STK35: variants seen among roughly 807,000 people sequenced by gnomAD.
STK35 encodes serine/threonine-protein kinase 35.
A neutral mutation model predicts 37.3 loss-of-function variants in STK35; 17 were observed. The observed-to-expected ratio is 0.46, with a 90% CI of 0.31 to 0.68. STK35 has a LOEUF of 0.68. Among genes scored for constraint, STK35 ranks in the 30% least tolerant of loss-of-function variants. STK35 has a pLI of 0.05. For synonymous variants in STK35, 385 were observed against 319.1 expected, an observed-to-expected ratio of 1.21 and a Z score of -2.20; for missense variants, 595 against 746.7, an observed-to-expected ratio of 0.80 and a Z score of 2.37.
rs890946100 is a variant in STK35, at chr20:2,147,322, A to G, written c.*3576A>G. ...CTCCAAGATCTCAGCTCCTTAACAT[A>G]TCAGTTGTCTCCTAGCCTAGAAAAC... On this transcript the variant is annotated 3_prime_UTR_variant, in exon 4 of 4. Transcript: ENST00000381482. 6.5e-6 allele frequency: 1 copy of G among 152,684 alleles called. No homozygotes were observed. The highest frequency in any genetic ancestry group is 2.4e-5 in the African/African-American group (1 of 41,444). The allele number at this position is 152,684 out of a possible 1,614,324, so 9.5% of individuals were successfully genotyped here.
intron 3 of STK35, among the ~76,000 whole-genome samples, chr20:2,136,885 A>T (rs751127529): frequency 6.6e-6 from 1 of 152,212 alleles, no homozygotes; most frequent in Admixed American, 6.5e-5. Flanking sequence ...GAGTTCCCAT[A>T]GAGACTGGGC....
chr20:2,148,554 AAG>A (rs961126976), exon 4 of STK35: 5 of 152,664 alleles, frequency 3.3e-5, no homozygotes, highest in Non-Finnish European at 5.9e-5. Context: ...TGATTTGAAA[AAG>A]AGTGTTTTGT....
chr20:2,133,020 C>T (rs535383017), intron 3 of STK35, among the ~76,000 whole-genome samples: 52 of 152,324 alleles, frequency 3.4e-4, no homozygotes, highest in African/African-American at 1.2e-3. Flanking sequence ...GCTAATCACA[C>T]GTTTTCACTT....
At chr20:2,141,279 A>G (rs1986168396) in intron 3 of STK35, among the ~76,000 whole-genome samples, 2 of 152,270 alleles carry the variant, frequency 1.3e-5, no homozygotes, top group South Asian at 4.1e-4. Flanking sequence ...AAACTGGGAT[A>G]CAAGACCCAC....
intron 3 of STK35, among the ~76,000 whole-genome samples, chr20:2,137,745 C>T (rs909695923): frequency 6.6e-6 from 1 of 152,170 alleles, no homozygotes; most frequent in African/African-American, 2.4e-5. Context: ...GCGTGACTCC[C>T]TGGCCTTGGT....
chr20:2,130,788 C>T (rs1047055925), intron 3 of STK35, among the ~76,000 whole-genome samples: 11 of 152,098 alleles, frequency 7.2e-5, no homozygotes, highest in Non-Finnish European at 1.5e-4. Flanking sequence ...TGCAAGCACC[C>T]GGAGCTGAGG....
intron 3 of STK35, among the ~76,000 whole-genome samples, chr20:2,129,843 G>A (rs1234916324): frequency 6.6e-6 from 1 of 152,064 alleles, no homozygotes; most frequent in Non-Finnish European, 1.5e-5. Context: ...GAGTGCGGTG[G>A]TCAAGGTGTG....
At chr20:2,111,437 A>G (rs1216140011) in intron 2 of STK35, among the ~76,000 whole-genome samples, 1 of 152,162 alleles carries the variant, frequency 6.6e-6, no homozygotes, top group Non-Finnish European at 1.5e-5. Context: ...GCTCATGCCT[A>G]TAATTACCCA....
At chr20:2,122,803 T>C (rs1985842364) in intron 3 of STK35, among the ~76,000 whole-genome samples, 1 of 152,218 alleles carries the variant, frequency 6.6e-6, no homozygotes, top group Admixed American at 6.5e-5. Context: ...CTGAAGACAG[T>C]GGTCTTTGGT....
intron 2 of STK35, among the ~76,000 whole-genome samples, chr20:2,110,615 A>G (rs1305033158): frequency 2.0e-5 from 3 of 152,120 alleles, no homozygotes; most frequent in Non-Finnish European, 4.4e-5. Flanking sequence ...CACTTTTGGA[A>G]TGAATTCCTC....
rs533103279 is a variant in STK35, at chr20:2,107,965, A to G, written c.892+4600A>G. On this transcript the variant is annotated intron_variant, in intron 2 of 3. Coordinates refer to ENST00000381482, the MANE Select transcript of STK35 (RefSeq NM_080836.4). ...TAAGAGCTGAAACTTGCAGGTTGCT[A>G]TGTATCAGGTGAAGTCAGTACCGTG... is the stretch of plus-strand genomic sequence containing the variant. Among the ~76,000 whole-genome samples the G allele has an allele frequency of 8.5e-5, 13 of 152,336 alleles. No individual in the cohort carries two copies. In the South Asian group the frequency reaches 2.1e-3, roughly 24 times the overall value.
intron 3 of STK35, among the ~76,000 whole-genome samples, chr20:2,139,810 G>T (rs1332972297): frequency 6.6e-6 from 1 of 152,200 alleles, no homozygotes; most frequent in Non-Finnish European, 1.5e-5. Context: ...CAGTTACAGA[G>T]AAATAAGAAG....
intron 3 of STK35, among the ~76,000 whole-genome samples, chr20:2,124,927 C>T (rs1353135020): frequency 1.3e-5 from 2 of 152,148 alleles, no homozygotes; most frequent in Non-Finnish European, 2.9e-5. Flanking sequence ...TTGTTTCTGC[C>T]GCATCAACAG....
chr20:2,102,707 G>T (rs1037807894), intron 1 of STK35, 61 bp from the exon 2 acceptor site: 16 of 1,304,116 alleles, frequency 1.2e-5, no homozygotes, highest in South Asian at 2.0e-5. Context: ...GACGCCCCGC[G>T]GCCTACGCTC....
At chr20:2,105,957 T>G (rs1985507346) in intron 2 of STK35, among the ~76,000 whole-genome samples, 1 of 152,200 alleles carries the variant, frequency 6.6e-6, no homozygotes, top group African/African-American at 2.4e-5. Context: ...TTTCAGTTGT[T>G]TGGAGTCTTT....
At chr20:2,131,777 C>T (rs1347136002) in intron 3 of STK35, among the ~76,000 whole-genome samples, 1 of 146,256 alleles carries the variant, frequency 6.8e-6, no homozygotes, top group African/African-American at 2.5e-5. Context: ...AGTGCAGTGG[C>T]ACGATCTTGG....
chr20:2,143,309 C>T (rs754410189), intron 3 of STK35, among the ~76,000 whole-genome samples: 7 of 152,218 alleles, frequency 4.6e-5, no homozygotes, highest in East Asian at 1.9e-4. Flanking sequence ...CTCTTCTCTT[C>T]TGTAAAACAG....
Position 2,101,840 on chromosome 20 carries a change from G to C in STK35, c.-42G>C. The C allele has an allele frequency of 1.5e-6, 2 of 1,320,520 alleles. No individual in the cohort carries two copies. The highest frequency in any genetic ancestry group is 3.8e-5 in the South Asian group (2 of 52,308). 81.8% of individuals were successfully genotyped at this position (1,320,520 alleles called of 1,614,324 possible). A position where few individuals can be genotyped will look rare whatever the true frequency, so the allele number is the denominator to read the frequency against. On this transcript the variant is annotated 5_prime_UTR_variant, in exon 1 of 4. Coordinates refer to ENST00000381482, the MANE Select transcript of STK35 (RefSeq NM_080836.4). Reference sequence around the variant, plus strand: ...TGCGGCTGCTCCGTCGACCTTTGCAGGACCGGGCGGTGCAGGGCTCACTCG... The same window carrying C: ...TGCGGCTGCTCCGTCGACCTTTGCACGACCGGGCGGTGCAGGGCTCACTCG...
intron 3 of STK35, among the ~76,000 whole-genome samples, chr20:2,120,040 T>C (rs1985789776): frequency 6.6e-6 from 1 of 152,218 alleles, no homozygotes; most frequent in Admixed American, 6.5e-5. Context: ...AGTGCTATAT[T>C]AGAAACCAAA....
Sources: allele counts gnomAD v4.1 joint callset (sites outside exome capture counted in the v4.1 genomes callset), GRCh38; gene constraint gnomAD v4.1.1; transcripts MANE v1.5; gene names NCBI Gene and HGNC (gene_info 2026-07-23, HGNC 2026-07-21).